UBE4B: variants seen among roughly 807,000 people sequenced by gnomAD.
UBE4B encodes the protein ubiquitin conjugation factor E4 B.
In UBE4B, 27 loss-of-function variants were observed where a neutral mutation model predicts 148.1. That is an observed-to-expected ratio of 0.18 (90% CI 0.13 to 0.25). The LOEUF is 0.25. UBE4B is among the 10% of genes least tolerant of loss of function. The pLI is 1.00. For synonymous variants in UBE4B, 596 were observed against 619.3 expected (o/e 0.96, Z 0.56); for missense variants, 1,170 against 1,662.4 (o/e 0.70, Z 5.15).
At chr1:10,046,618 T>C (rs1369925959) in intron 1 of UBE4B, among the ~76,000 whole-genome samples, 1 of 152,220 alleles carries the variant, frequency 6.6e-6, no homozygotes, top group African/African-American at 2.4e-5. Flanking sequence ...GATTCTGGTC[T>C]CTTGAAGGAG....
At chr1:10,059,449 C>G (rs1644242964) in intron 1 of UBE4B, 1 of 212,680 alleles carries the variant, frequency 4.7e-6, no homozygotes, top group Non-Finnish European at 1.0e-5. Flanking sequence ...GGTTGAGGCT[C>G]CTGGCAGCAG....
At chr1:10,055,074 C>T (rs941596270) in intron 1 of UBE4B, among the ~76,000 whole-genome samples, 1 of 152,122 alleles carries the variant, frequency 6.6e-6, no homozygotes, top group Non-Finnish European at 1.5e-5. Context: ...GTGTGAGCCA[C>T]CGCACCCGGC....
intron 3 of UBE4B, among the ~76,000 whole-genome samples, chr1:10,099,198 C>T (rs1228668046): frequency 2.0e-5 from 3 of 152,026 alleles, no homozygotes; most frequent in Non-Finnish European, 4.4e-5. Flanking sequence ...GCCAAGATTG[C>T]ACCACTGCAC....
chr1:10,145,810 A>G (rs184319531), intron 18 of UBE4B, among the ~76,000 whole-genome samples: 1 of 152,294 alleles, frequency 6.6e-6, no homozygotes, highest in Admixed American at 6.5e-5. Flanking sequence ...AAATTGATTC[A>G]TCACACAAAA....
intron 1 of UBE4B, among the ~76,000 whole-genome samples, chr1:10,056,264 CG>C (rs1644166110): frequency 6.6e-6 from 1 of 152,078 alleles, no homozygotes; most frequent in Non-Finnish European, 1.5e-5. Flanking sequence ...TGTACACACT[CG>C]TATTATTTAG....
At chr1:10,038,214 A>G (rs1204824289) in intron 1 of UBE4B, among the ~76,000 whole-genome samples, 1 of 150,454 alleles carries the variant, frequency 6.6e-6, no homozygotes, top group Non-Finnish European at 1.5e-5. Flanking sequence ...CGGGAGGCGG[A>G]GGTTGCAGTG....
intron 1 of UBE4B, among the ~76,000 whole-genome samples, chr1:10,043,762 G>T (rs923510532): frequency 6.6e-6 from 1 of 152,122 alleles, no homozygotes; most frequent in Non-Finnish European, 1.5e-5. Context: ...TGTAATCACC[G>T]TTGGCCAGGT....
chr1:10,129,489 A>G (rs1352271311), intron 12 of UBE4B, 41 bp downstream of exon 12: 2 of 1,586,662 alleles, frequency 1.3e-6, no homozygotes, highest in Non-Finnish European at 1.7e-6. Flanking sequence ...TTCAGTGAAT[A>G]TATCATAACC....
At chr1:10,118,614 C>T (rs1341780806) in intron 8 of UBE4B, among the ~76,000 whole-genome samples, 1 of 151,966 alleles carries the variant, frequency 6.6e-6, no homozygotes, top group Non-Finnish European at 1.5e-5. Flanking sequence ...AAGTGATTCT[C>T]CTGCCTCAGC....
At position 10,163,773 on chromosome 1, in the gene UBE4B, A is replaced by G. The variant is rs959591691; in HGVS notation, c.3198+2487A>G. On this transcript the variant is annotated intron_variant, in intron 23 of 27. Coordinates refer to ENST00000343090, the MANE Select transcript of UBE4B (RefSeq NM_001105562.3). ...TTATTATTAAATTATTTTTTATTTT[A>G]TTTTATTTTATTTTTTGAGACAGAG... 7.3e-5 allele frequency among the ~76,000 whole-genome samples: 11 copies of G among 150,552 alleles called. No homozygotes were observed. In the East Asian group the frequency reaches 2.2e-3, roughly 30 times the overall value.
chr1:10,113,604 T>C (rs1001486450), intron 7 of UBE4B, among the ~76,000 whole-genome samples: 1 of 152,146 alleles, frequency 6.6e-6, no homozygotes, highest in Non-Finnish European at 1.5e-5. Flanking sequence ...CAAATTTAAG[T>C]TAAAATGAAG....
At chr1:10,077,104 C>G (rs1644597171) in intron 2 of UBE4B, among the ~76,000 whole-genome samples, 1 of 152,136 alleles carries the variant, frequency 6.6e-6, no homozygotes, top group African/African-American at 2.4e-5. Context: ...GCTGTAACAA[C>G]CTATCAAAAA....
At chr1:10,154,668 G>A (rs1454362970) in intron 21 of UBE4B, among the ~76,000 whole-genome samples, 5 of 152,118 alleles carry the variant, frequency 3.3e-5, no homozygotes, top group South Asian at 2.1e-4. Context: ...GTGAAACCCC[G>A]TCTCTACTAA....
chr1:10,129,774 C>G (rs1181180916), intron 12 of UBE4B, among the ~76,000 whole-genome samples: 1 of 151,986 alleles, frequency 6.6e-6, no homozygotes, highest in African/African-American at 2.4e-5. Flanking sequence ...CCTCAGCCTC[C>G]CAAGTAGCTG....
chr1:10,178,182 G>A (rs1429305153), intron 25 of UBE4B, among the ~76,000 whole-genome samples: 1 of 152,096 alleles, frequency 6.6e-6, no homozygotes, highest in Non-Finnish European at 1.5e-5. Flanking sequence ...AACAATAGTG[G>A]ATTGTTTTTA....
chr1:10,128,301 C>G (rs1253185154), intron 11 of UBE4B: 1 of 152,172 alleles, frequency 6.6e-6, no homozygotes, highest in East Asian at 1.9e-4. Context: ...TTGTGGTAGA[C>G]AGTGATTTCA....
intron 21 of UBE4B, among the ~76,000 whole-genome samples, chr1:10,155,015 G>C (rs1266253181): frequency 6.6e-6 from 1 of 151,892 alleles, no homozygotes; most frequent in Non-Finnish European, 1.5e-5. Flanking sequence ...AACAATTTTA[G>C]TTAAATTTAT....
At position 10,158,784 on chromosome 1, in the gene UBE4B, G is replaced by A. The variant is rs539662398; in HGVS notation, c.3053+302G>A. 4.6e-5 allele frequency among the ~76,000 whole-genome samples: 7 copies of A among 152,200 alleles called. 1 individual carries two copies. In the South Asian group the frequency reaches 6.2e-4, roughly 14 times the overall value. Reference sequence around the variant, plus strand: ...AGCACTTTGGGAGGCAGAGGCGGGCGGATCACTTGAGGTCAGGAGTTCAAA... The same window carrying A: ...AGCACTTTGGGAGGCAGAGGCGGGCAGATCACTTGAGGTCAGGAGTTCAAA... On this transcript the variant is annotated intron_variant, in intron 22 of 27. Transcript: ENST00000343090.
Position 10,149,185 on chromosome 1 carries a change from A to G in UBE4B, c.2593A>G (p.Ile865Val), listed in dbSNP as rs1480085038. The part of the protein sequence containing the change: ...LRILDPAYPD[I>V]TLPLNSDVPK... ...TTGTCCTTTTTTTCTCTTTGACAGT[A>G]TAACACTGCCTTTAAATTCAGATGT... Residue 865 changes from isoleucine to valine, a missense_variant and splice_region_variant, in exon 20 of 28, where the codon ATA becomes GTA. Coordinates refer to ENST00000343090, the MANE Select transcript of UBE4B (RefSeq NM_001105562.3). 6.2e-6 allele frequency: 10 copies of G among 1,602,886 alleles called. No individual in the cohort carries two copies. Among genetic ancestry groups the G allele is most frequent in the Non-Finnish European group, 7.6e-6 (9 of 1,176,640 alleles).
Sources: allele counts gnomAD v4.1 joint callset (sites outside exome capture counted in the v4.1 genomes callset), GRCh38; gene constraint gnomAD v4.1.1; transcripts MANE v1.5; gene names NCBI Gene and HGNC (gene_info 2026-07-23, HGNC 2026-07-21).